NCAPD2: variants seen among roughly 807,000 people sequenced by gnomAD.
The protein encoded by NCAPD2 is condensin complex subunit 1.
NCAPD2 carries 100 observed loss-of-function variants against 164.5 expected under a neutral mutation model. The ratio of observed to expected loss-of-function variants is 0.61; its 90% CI spans 0.52 to 0.72. The LOEUF (loss-of-function observed/expected upper bound fraction) is 0.72. Among genes scored for constraint, NCAPD2 ranks in the 30% least tolerant of loss-of-function variants. The pLI, the probability that NCAPD2 is intolerant of heterozygous loss-of-function variation, is 0.00. For synonymous variants in NCAPD2, 585 were observed against 642.6 expected (o/e 0.91, Z 1.36); for missense variants, 1,560 against 1,749.2 (o/e 0.89, Z 1.93).
chr12:6,505,490 T>G (rs552702752), intron 2 of NCAPD2, among the ~76,000 whole-genome samples: 1 of 152,278 alleles, frequency 6.6e-6, no homozygotes, highest in South Asian at 2.1e-4. Flanking sequence ...GGCTATGAAA[T>G]TATTACAGTA....
chr12:6,513,766 A>T (rs368007243), intron 6 of NCAPD2, among the ~76,000 whole-genome samples: 1 of 123,070 alleles, frequency 8.1e-6, no homozygotes, highest in African/African-American at 3.3e-5. Context: ...CCTGGCCTGG[A>T]GTGCAGTGGC....
intron 1 of NCAPD2, 126 bp downstream of exon 1, chr12:6,494,280 G>GTT (rs71579351): frequency 1.3e-5 from 2 of 152,044 alleles, no homozygotes; most frequent in African/African-American, 4.8e-5. Flanking sequence ...GTGAGAAACT[G>GTT]TAAGTCTGAC....
Position 6,521,866 on chromosome 12 carries a change from G to A in NCAPD2, c.1783G>A (p.Val595Ile), listed in dbSNP as rs765758094. ...STGNMVTGQT[V>I]CKNKPNMSDP... The stretch of plus-strand genomic sequence containing the variant: ...AGGAAACATGGTCACAGGACAGACT[G>A]TCTGTAAAAATAAACCCAATATGTC... The change falls in exon 15 of 32, where the codon GTC becomes ATC. Residue 595 changes from valine to isoleucine, a missense_variant. Coordinates refer to ENST00000315579, the MANE Select transcript of NCAPD2 (RefSeq NM_014865.4). 3.3e-5 allele frequency: 54 copies of A among 1,613,984 alleles called. No individual in the cohort carries two copies. Among genetic ancestry groups the A allele is most frequent in the Admixed American group, 3.3e-5 (2 of 60,006 alleles).
At chr12:6,503,551 C>T (rs1482888345) in intron 2 of NCAPD2, among the ~76,000 whole-genome samples, 1 of 152,058 alleles carries the variant, frequency 6.6e-6, no homozygotes, top group Non-Finnish European at 1.5e-5. Flanking sequence ...GCGGGCAGAT[C>T]ACAAGGTCAG....
intron 1 of NCAPD2, among the ~76,000 whole-genome samples, 158 bp from the exon 2 acceptor site, chr12:6,494,918 A>G (rs551461281): frequency 3.3e-5 from 5 of 152,278 alleles, no homozygotes; most frequent in African/African-American, 1.2e-4. Flanking sequence ...AAACCATTAT[A>G]TATGTTGGGG....
Position 6,518,504 on chromosome 12 carries a change from G to GTTTT in NCAPD2, c.1589+572_1589+575dup, listed in dbSNP as rs56183938. Among the ~76,000 whole-genome samples the GTTTT allele has an allele frequency of 5.5e-3, 244 of 44,614 alleles. 32 individuals carry two copies. Among genetic ancestry groups the GTTTT allele is most frequent in the African/African-American group, 0.012 (113 of 9,774 alleles). The allele number at this position is 44,614 out of a possible 152,430, so 29.3% of individuals were successfully genotyped here. ...CAAAAGCCCTTACAGCCGTCAACAA[G>GTTTT]TTTTTTTTTTTTTTTTTTTTTTTTT... On this transcript the variant is annotated intron_variant, in intron 13 of 31. Transcript: ENST00000315579.
At position 6,528,648 on chromosome 12, in the gene NCAPD2, C is replaced by A. The variant is rs376916144; in HGVS notation, c.3300-31C>A. On this transcript the variant is annotated intron_variant, in intron 25 of 31. Transcript: ENST00000315579. The surrounding 1 kb of genome is among the most constrained non-coding windows in gnomAD (Gnocchi z 5.1). Reference sequence around the variant, plus strand: ...GTGTTAGGGTGTAGCCCGGAGGTCTCGGTCCCCATGACCCGCAATTCCATT... The same window carrying A: ...GTGTTAGGGTGTAGCCCGGAGGTCTAGGTCCCCATGACCCGCAATTCCATT... The A allele has an allele frequency of 6.3e-7, 1 of 1,597,368 alleles. No individual in the cohort carries two copies. Among genetic ancestry groups the A allele is most frequent in the Non-Finnish European group, 8.6e-7 (1 of 1,167,926 alleles).
intron 13 of NCAPD2, among the ~76,000 whole-genome samples, chr12:6,520,176 G>A (rs1269304440): frequency 8.1e-6 from 1 of 123,388 alleles, no homozygotes; most frequent in Admixed American, 8.6e-5. Flanking sequence ...ACAAGACTCT[G>A]TCTCTAAAAA....
chr12:6,527,385 G>C (rs1946326969), intron 22 of NCAPD2, among the ~76,000 whole-genome samples: 1 of 152,208 alleles, frequency 6.6e-6, no homozygotes, highest in African/African-American at 2.4e-5. Flanking sequence ...TGCTGGCCTG[G>C]CCCCGGATGG....
At chr12:6,507,189 C>T (rs775850978) in intron 2 of NCAPD2, among the ~76,000 whole-genome samples, 14 of 152,096 alleles carry the variant, frequency 9.2e-5, no homozygotes, top group Non-Finnish European at 1.5e-4. Context: ...GTTGCCCAGG[C>T]GGATCTTGAA....
At position 6,528,219 on chromosome 12, in the gene NCAPD2, GAA is replaced by G. The variant is rs778437915; in HGVS notation, c.3193_3194del (p.Lys1065ValfsTer9). ...GCTTCGTCTTCTGTTCACCATGCTG[GAA>G]AAGTCTCCACTTCCCATTGTCCGGT... Reference protein sequence around the residue: ...SQLRLLFTMLEKSPLPIVRSN... With the variant: ...SQLRLLFTMLXKSPLPIVRSN... On this transcript the variant is annotated frameshift_variant, in exon 25 of 32. Transcript: ENST00000315579. LOFTEE classifies it high-confidence loss of function. This position sits in a 1 kb window ranked among gnomAD's most constrained non-coding sequence, Gnocchi z 5.1. The G allele has an allele frequency of 6.2e-7, 1 of 1,614,150 alleles. No individual in the cohort carries two copies. Among genetic ancestry groups the G allele is most frequent in the Non-Finnish European group, 8.5e-7 (1 of 1,180,030 alleles).
intron 13 of NCAPD2, among the ~76,000 whole-genome samples, chr12:6,520,433 CACACCATCACACCCACAGGCAT>C (rs1028714391): frequency 3.7e-5 from 4 of 107,292 alleles, no homozygotes; most frequent in African/African-American, 6.5e-5. Flanking sequence ...CCCACAGGCA[CACACCATCACACCCACAGGCAT>C]ACACCATCAC....
chr12:6,499,740 G>A (rs1387656105), intron 2 of NCAPD2, among the ~76,000 whole-genome samples: 1 of 152,140 alleles, frequency 6.6e-6, no homozygotes, highest in Non-Finnish European at 1.5e-5. Context: ...GATTGACCAC[G>A]GGTAACTGAA....
At chr12:6,518,504 G>GTTTTTGTTTGTTTTTTTTTTTT (rs746627585) in intron 13 of NCAPD2, among the ~76,000 whole-genome samples, 1 of 44,774 alleles carries the variant, frequency 2.2e-5, no homozygotes, top group African/African-American at 1.0e-4. Flanking sequence ...CCGTCAACAA[G>GTTTTTGTTTGTTTTTTTTTTTT]TTTTTTTTTT....
chr12:6,499,696 T>A (rs1489271973), intron 2 of NCAPD2, among the ~76,000 whole-genome samples: 2 of 152,208 alleles, frequency 1.3e-5, no homozygotes, highest in African/African-American at 2.4e-5. Context: ...CCAGCCTATT[T>A]CTGGAATATT....
intron 17 of NCAPD2, 60 bp from the exon 18 acceptor site, chr12:6,525,523 C>G: frequency 1.9e-6 from 3 of 1,552,934 alleles, no homozygotes; most frequent in Non-Finnish European, 2.6e-6. Flanking sequence ...TTCAGAAAAG[C>G]AGACCAAAGA....
At chr12:6,501,479 C>T (rs12312998) in intron 2 of NCAPD2, among the ~76,000 whole-genome samples, 2,364 of 152,238 alleles carry the variant, frequency 0.016, 61 homozygotes, top group African/African-American at 0.055. Context: ...TGGGCCACCA[C>T]ACCCGGCCTT....
At chr12:6,523,646 C>T (rs1388161380) in intron 17 of NCAPD2, among the ~76,000 whole-genome samples, 1 of 152,186 alleles carries the variant, frequency 6.6e-6, no homozygotes, top group Non-Finnish European at 1.5e-5. Flanking sequence ...ATCCACCCGC[C>T]TCAACCTCCC....
chr12:6,503,374 C>T (rs987437553), intron 2 of NCAPD2, among the ~76,000 whole-genome samples: 1 of 152,206 alleles, frequency 6.6e-6, no homozygotes, highest in South Asian at 2.1e-4. Context: ...CAAATCAATG[C>T]ACCAGTAACT....
Sources: allele counts gnomAD v4.1 joint callset (sites outside exome capture counted in the v4.1 genomes callset), GRCh38; gene constraint gnomAD v4.1.1; non-coding constraint Gnocchi (gnomAD v3.1); transcripts MANE v1.5; gene names NCBI Gene and HGNC (gene_info 2026-07-23, HGNC 2026-07-21).